Variants in AGBL4 observed in about 807,000 individuals in gnomAD.
The protein encoded by AGBL4 is AGBL carboxypeptidase 4, also known as cytosolic carboxypeptidase 6.
In AGBL4, 58 loss-of-function variants were observed where a neutral mutation model predicts 66.4. The observed-to-expected ratio is 0.87, with a 90% CI of 0.71 to 1.09. The LOEUF is 1.09. AGBL4 is among the 50% of genes least tolerant of loss of function. AGBL4 has a pLI of 0.00. For synonymous variants in AGBL4, 234 were observed against 222.9 expected, an observed-to-expected ratio of 1.05 and a Z score of -0.44; for missense variants, 579 against 631.0, an observed-to-expected ratio of 0.92 and a Z score of 0.88.
intron 4 of AGBL4, among the ~76,000 whole-genome samples, chr1:49,115,185 G>T (rs1396088447): frequency 6.6e-6 from 1 of 152,170 alleles, no homozygotes; most frequent in Non-Finnish European, 1.5e-5. Context: ...ATTTAATAAA[G>T]AATCCTGTTT....
At chr1:48,803,042 G>A (rs941198828) in intron 6 of AGBL4, among the ~76,000 whole-genome samples, 6 of 152,150 alleles carry the variant, frequency 3.9e-5, no homozygotes, top group Non-Finnish European at 8.8e-5. Flanking sequence ...GAAAAGAGCC[G>A]GCTAATGTGA....
chr1:48,873,090 T>C (rs964665374), intron 5 of AGBL4, among the ~76,000 whole-genome samples: 11 of 152,188 alleles, frequency 7.2e-5, no homozygotes, highest in Admixed American at 7.2e-4. Context: ...ACACTGCAGC[T>C]GGAGTGAGCT....
At chr1:48,825,078 G>T (rs1035773786) in intron 6 of AGBL4, among the ~76,000 whole-genome samples, 1 of 152,178 alleles carries the variant, frequency 6.6e-6, no homozygotes, top group Non-Finnish European at 1.5e-5. Flanking sequence ...GGCTCTTTAT[G>T]ACTCTAAAAT....
At chr1:48,909,722 G>A (rs1452614318) in intron 5 of AGBL4, among the ~76,000 whole-genome samples, 3 of 152,198 alleles carry the variant, frequency 2.0e-5, no homozygotes, top group Non-Finnish European at 4.4e-5. Context: ...CAATGCAGTA[G>A]AAAGAGAAAT....
At chr1:49,145,026 C>G (rs1356515631) in intron 4 of AGBL4, among the ~76,000 whole-genome samples, 2 of 151,992 alleles carry the variant, frequency 1.3e-5, no homozygotes, top group East Asian at 1.9e-4. Flanking sequence ...GTCAGTCCAG[C>G]CTTACCCCGG....
chr1:48,672,765 A>G (rs1646297266), intron 6 of AGBL4, among the ~76,000 whole-genome samples: 1 of 152,200 alleles, frequency 6.6e-6, no homozygotes, highest in East Asian at 1.9e-4. Flanking sequence ...AATACATGAC[A>G]ATTGTCATTT....
In AGBL4 at chr1:48,604,321, A is replaced by G. The variant is rs529689378; in HGVS notation, c.952-13336T>C. Among the ~76,000 whole-genome samples, 2 of 152,260 alleles carry G rather than the reference A, an allele frequency of 1.3e-5. 1 individual carries two copies. The highest frequency in any genetic ancestry group is 4.2e-4 in the South Asian group (2 of 4,816). The stretch of plus-strand genomic sequence containing the variant: ...ATCCACTGAGATTGGAGATGTCACC[A>G]TCTTATAAGTTTGAGCTGTATGTTT... On this transcript the variant is annotated intron_variant, in intron 9 of 13. Coordinates refer to ENST00000371839, the MANE Select transcript of AGBL4 (RefSeq NM_032785.4).
At position 48,672,260 on chromosome 1, in the gene AGBL4, T is replaced by C. The variant is rs536008759; in HGVS notation, c.635-9019A>G. 2.4e-3 allele frequency among the ~76,000 whole-genome samples: 369 copies of C among 152,328 alleles called. 6 individuals are homozygous for C. Among genetic ancestry groups the C allele is most frequent in the Non-Finnish European group, 5.7e-4 (39 of 68,042 alleles). Reference sequence around the variant, plus strand: ...CAATGCAGGCACATTGGGCAGGCACTGGGATGCTAAGAGGCAGAGTGGGAA... The same window carrying C: ...CAATGCAGGCACATTGGGCAGGCACCGGGATGCTAAGAGGCAGAGTGGGAA... On this transcript the variant is annotated intron_variant, in intron 6 of 13. Transcript: ENST00000371839.
At chr1:49,768,565 TATC>T (rs1286241083) in intron 2 of AGBL4, among the ~76,000 whole-genome samples, 1 of 152,058 alleles carries the variant, frequency 6.6e-6, no homozygotes, top group Non-Finnish European at 1.5e-5. Context: ...CCATAGCCAG[TATC>T]ATAGTGAACA....
intron 6 of AGBL4, among the ~76,000 whole-genome samples, chr1:48,815,973 CT>C (rs1192164335): frequency 2.6e-5 from 4 of 151,832 alleles, no homozygotes; most frequent in Admixed American, 6.6e-5. Flanking sequence ...ATTTCATTAC[CT>C]TTGTTCTGGC....
chr1:49,910,823 A>G (rs1650747061), intron 1 of AGBL4, among the ~76,000 whole-genome samples: 1 of 152,174 alleles, frequency 6.6e-6, no homozygotes, highest in African/African-American at 2.4e-5. Flanking sequence ...TAAAATACAA[A>G]AAATTAGCCG....
rs1222969103 is a variant in AGBL4 at position 48,596,848 on chromosome 1, G to C, written c.952-5863C>G. Among the ~76,000 whole-genome samples the C allele has an allele frequency of 5.3e-5, 8 of 152,232 alleles. No individual in the cohort carries two copies. In the East Asian group the frequency reaches 1.5e-3, roughly 29 times the overall value. Reference sequence around the variant, plus strand: ...GCAGAAATTCCTGCCACAAAAAAAGGGATATAATAAGTCAAGGGGACAAAG... The same window carrying C: ...GCAGAAATTCCTGCCACAAAAAAAGCGATATAATAAGTCAAGGGGACAAAG... On this transcript the variant is annotated intron_variant, in intron 9 of 13. Coordinates refer to ENST00000371839, the MANE Select transcript of AGBL4 (RefSeq NM_032785.4).
At chr1:49,683,312 T>A (rs2356525) in intron 3 of AGBL4, among the ~76,000 whole-genome samples, 104,244 of 151,884 alleles carry the variant, frequency 0.69, 36,539 homozygotes, top group African/African-American at 0.78. Context: ...AAGGTTAAAC[T>A]CACTTGTTTT....
chr1:49,270,469 T>G, intron 3 of AGBL4, among the ~76,000 whole-genome samples: 1 of 152,146 alleles, frequency 6.6e-6, no homozygotes, highest in East Asian at 1.9e-4. Context: ...CCTTTGTTGT[T>G]TGGTTAGTTC....
intron 3 of AGBL4, among the ~76,000 whole-genome samples, chr1:49,600,620 A>T (rs1405258009): frequency 6.6e-6 from 1 of 152,140 alleles, no homozygotes; most frequent in Non-Finnish European, 1.5e-5. Context: ...TTTAAGGTTA[A>T]TATTGTTATG....
At chr1:49,570,117 T>C (rs981849032) in intron 3 of AGBL4, among the ~76,000 whole-genome samples, 6 of 152,124 alleles carry the variant, frequency 3.9e-5, no homozygotes, top group African/African-American at 1.4e-4. Context: ...CTGGATCAAA[T>C]GGTAGTTCTA....
At chr1:49,634,818 T>A (rs139800588) in intron 3 of AGBL4, among the ~76,000 whole-genome samples, 133 of 152,274 alleles carry the variant, frequency 8.7e-4, no homozygotes, top group African/African-American at 3.2e-3. Flanking sequence ...AATTTCTATA[T>A]CCATGTGGTT....
chr1:49,844,666 C>T (rs1320458382), intron 2 of AGBL4: 1 of 1,576,910 alleles, frequency 6.3e-7, no homozygotes, highest in Non-Finnish European at 8.6e-7. Flanking sequence ...GATTAAGGGA[C>T]ATTTCCAGTT....
intron 6 of AGBL4, among the ~76,000 whole-genome samples, chr1:48,735,555 A>G (rs529469014): frequency 6.6e-6 from 1 of 152,078 alleles, no homozygotes; most frequent in South Asian, 2.1e-4. Flanking sequence ...AAAGGAAAGG[A>G]GGGAGGGAGG....
Sources: gnomAD v4.1 joint callset for allele counts (sites outside exome capture counted in the v4.1 genomes callset) on GRCh38, gnomAD v4.1.1 for gene constraint, MANE v1.5 for transcripts, NCBI Gene and HGNC (gene_info 2026-07-23, HGNC 2026-07-21) for gene names.